MMEL1: variants seen among roughly 807,000 people sequenced by gnomAD.
The protein encoded by MMEL1 is membrane metalloendopeptidase like 1, also known as membrane metallo-endopeptidase-like 1.
MMEL1 carries 98 observed loss-of-function variants against 117.1 expected under a neutral mutation model. The ratio of observed to expected loss-of-function variants is 0.84; its 90% CI spans 0.71 to 0.99. MMEL1 has a LOEUF of 0.99. Ranked by LOEUF, MMEL1 falls within the 50% of genes least tolerant of loss-of-function variation. The pLI is 0.00. For synonymous variants in MMEL1, 390 were observed against 415.1 expected (o/e 0.94, Z 0.74); for missense variants, 1,014 against 1,049.1 (o/e 0.97, Z 0.46).
At position 2,592,946 on chromosome 1, in the gene MMEL1, C is replaced by T; in HGVS notation, c.1888G>A (p.Gly630Ser). 6.2e-7 allele frequency: 1 copy of T among 1,613,674 alleles called. No individual in the cohort carries two copies. Among genetic ancestry groups the T allele is most frequent in the Non-Finnish European group, 8.5e-7 (1 of 1,179,930 alleles). Residue 630 changes from glycine to serine, a missense_variant, in exon 20 of 24, where the codon GGC (glycine) becomes AGC (serine). By Grantham distance (56) the Gly-to-Ser change is moderately conservative (BLOSUM62 0). Transcript: ENST00000378412. ...DDNGRNFDKN[G>S]NMMDWWSNFS... Reference sequence around the variant, plus strand: ...TTACTCCACCAATCCATCATGTTGCCATTCTTGTCGAAGTTCCGGCCTGGG... The same window carrying T: ...TTACTCCACCAATCCATCATGTTGCTATTCTTGTCGAAGTTCCGGCCTGGG...
intron 7 of MMEL1, 64 bp downstream of exon 7, chr1:2,606,910 G>T (rs10797436): frequency 2.0e-6 from 3 of 1,471,716 alleles, no homozygotes; most frequent in Non-Finnish European, 2.8e-6. Flanking sequence ...GCCTCAGACC[G>T]AAGGAGCCCT....
intron 1 of MMEL1, among the ~76,000 whole-genome samples, chr1:2,630,961 G>A (rs540758156): frequency 6.3e-4 from 92 of 145,904 alleles, no homozygotes; most frequent in African/African-American, 2.0e-3. Flanking sequence ...GTGCGTGTAC[G>A]CTCGTGTGTG....
At position 2,592,856 on chromosome 1, in the gene MMEL1, A is replaced by T; in HGVS notation, c.1978T>A (p.Trp660Arg). 6.2e-7 allele frequency: 1 copy of T among 1,613,662 alleles called. No homozygotes were observed. The highest frequency in any genetic ancestry group is 1.1e-5 in the South Asian group (1 of 91,064). ...CMIYQYGNYS[W>R]DLADEQNVNG... ...ACGTTCTGTTCGTCTGCCAGGTCCCAGGAGTAGTTGCCGTACTGGTAGATC... is the reference window on the plus strand; with the variant it reads ...ACGTTCTGTTCGTCTGCCAGGTCCCTGGAGTAGTTGCCGTACTGGTAGATC... The change falls in exon 20 of 24, where the codon TGG (tryptophan) becomes AGG (arginine). Residue 660 changes from tryptophan to arginine, a missense_variant. Trp to Arg is a moderately radical substitution (Grantham distance 101). Transcript: ENST00000378412.
intron 12 of MMEL1, 78 bp from the exon 13 acceptor site, chr1:2,598,378 T>G: frequency 7.0e-7 from 1 of 1,424,582 alleles, no homozygotes; most frequent in Non-Finnish European, 9.9e-7. Context: ...TTAGGGCCCT[T>G]GGCCAGCACG....
intron 2 of MMEL1, among the ~76,000 whole-genome samples, chr1:2,619,043 C>A (rs1490299662): frequency 6.6e-6 from 1 of 152,138 alleles, no homozygotes; most frequent in Non-Finnish European, 1.5e-5. Flanking sequence ...CTTTGGCCAA[C>A]AGAATGAGGT....
chr1:2,607,618 G>A (rs1191713824), intron 6 of MMEL1, among the ~76,000 whole-genome samples: 1 of 152,156 alleles, frequency 6.6e-6, no homozygotes, highest in East Asian at 1.9e-4. Context: ...GTCACTGTGG[G>A]AATAAGTGAA....
At chr1:2,598,440 T>G in intron 12 of MMEL1, 140 bp from the exon 13 acceptor site, 1 of 1,164,710 alleles carries the variant, frequency 8.6e-7, no homozygotes, top group Admixed American at 2.4e-5. Flanking sequence ...GACAACCACC[T>G]CCAAGATCCA....
Position 2,612,068 on chromosome 1 carries a change from C to A in MMEL1, c.232+59G>T. 1.4e-6 allele frequency: 2 copies of A among 1,437,318 alleles called. No individual in the cohort carries two copies. Among genetic ancestry groups the A allele is most frequent in the Non-Finnish European group, 1.9e-6 (2 of 1,042,128 alleles). The allele number at this position is 1,437,318 out of a possible 1,614,324, so 89.0% of individuals were successfully genotyped here. On this transcript the variant is annotated intron_variant, in intron 3 of 23. Transcript: ENST00000378412. This position sits in a 1 kb window ranked among gnomAD's most constrained non-coding sequence, Gnocchi z 5.4. Reference sequence around the variant, plus strand: ...CCTGCCCCTCCACGGAGTCCCCCCACCTTGGGAGGCCAGCGCCCACCTGCC... The same window carrying A: ...CCTGCCCCTCCACGGAGTCCCCCCAACTTGGGAGGCCAGCGCCCACCTGCC...
intron 2 of MMEL1, among the ~76,000 whole-genome samples, chr1:2,625,378 C>T (rs907707061): frequency 6.6e-5 from 10 of 152,212 alleles, no homozygotes; most frequent in East Asian, 1.9e-4. Flanking sequence ...CAGTGTCGAG[C>T]GGGGTCCAGA....
At chr1:2,592,770 C>T (rs368141444) in intron 20 of MMEL1, 50 bp from the exon 21 acceptor site, 2 of 1,610,330 alleles carry the variant, frequency 1.2e-6, no homozygotes, top group Non-Finnish European at 1.7e-6. Flanking sequence ...ACTTCCCTCT[C>T]CCTCAGGGCC....
At chr1:2,629,276 G>C in intron 2 of MMEL1, 55 bp downstream of exon 2, 1 of 1,491,194 alleles carries the variant, frequency 6.7e-7, no homozygotes, top group Non-Finnish European at 8.9e-7. Context: ...GGTGCAGCGG[G>C]GCGAGCGCGG....
intron 6 of MMEL1, 101 bp downstream of exon 6, chr1:2,609,238 C>T: frequency 8.4e-7 from 1 of 1,193,304 alleles, no homozygotes; most frequent in Non-Finnish European, 1.2e-6. Flanking sequence ...CCCACTCCTA[C>T]CCTAGGGGCA....
At chr1:2,628,603 C>T (rs1056042189) in intron 2 of MMEL1, among the ~76,000 whole-genome samples, 19 of 148,854 alleles carry the variant, frequency 1.3e-4, no homozygotes, top group African/African-American at 4.4e-4. Context: ...CTGGCAGGGG[C>T]GGCTGGAAGG....
chr1:2,618,771 A>T (rs1327900690), intron 2 of MMEL1, among the ~76,000 whole-genome samples: 1 of 152,252 alleles, frequency 6.6e-6, no homozygotes, highest in Non-Finnish European at 1.5e-5. Flanking sequence ...CATAGATAAA[A>T]GCCAATTTGA....
intron 11 of MMEL1, among the ~76,000 whole-genome samples, chr1:2,599,059 A>G (rs1030524390): frequency 2.0e-5 from 3 of 152,270 alleles, no homozygotes; most frequent in African/African-American, 7.2e-5. Flanking sequence ...AAAAAGAAAT[A>G]GAAAATATGA....
Position 2,624,317 on chromosome 1 carries a change from G to C in MMEL1, c.154+5014C>G, listed in dbSNP as rs79359574. Among the ~76,000 whole-genome samples, 1,071 of 152,286 alleles carry C rather than the reference G, an allele frequency of 7.0e-3. 12 individuals carry two copies. Among genetic ancestry groups the C allele is most frequent in the African/African-American group, 0.024 (1,005 of 41,544 alleles). On this transcript the variant is annotated intron_variant, in intron 2 of 23. Transcript: ENST00000378412. ...CTGACTTCTCTAAGTGCAGGGAACAGGAGCTCATTGCTGGAGAAACGTGAG... is the reference window on the plus strand; with the variant it reads ...CTGACTTCTCTAAGTGCAGGGAACACGAGCTCATTGCTGGAGAAACGTGAG...
At position 2,595,741 on chromosome 1, in the gene MMEL1, C is replaced by G. The variant is rs150544785; in HGVS notation, c.1500+268G>C. 0.014 allele frequency among the ~76,000 whole-genome samples: 2,160 copies of G among 152,250 alleles called. 25 individuals are homozygous for G. Among genetic ancestry groups the G allele is most frequent in the Admixed American group, 0.025 (382 of 15,300 alleles). On this transcript the variant is annotated intron_variant, in intron 15 of 23. Transcript: ENST00000378412. The surrounding 1 kb of genome is among the most constrained non-coding windows in gnomAD (Gnocchi z 4.8). ...TACCCCCGCTGGCTCATGGGGGGTGCTGGGGATGTCCCAGGCCTGGTTCCT... is the reference window on the plus strand; with the variant it reads ...TACCCCCGCTGGCTCATGGGGGGTGGTGGGGATGTCCCAGGCCTGGTTCCT...
At chr1:2,608,235 C>G (rs148683401) in intron 6 of MMEL1, among the ~76,000 whole-genome samples, 1 of 152,064 alleles carries the variant, frequency 6.6e-6, no homozygotes. Context: ...CTCCACGAGA[C>G]CCCCTGGGCA....
At chr1:2,600,303 T>C (rs1017173314) in intron 11 of MMEL1, among the ~76,000 whole-genome samples, 2 of 152,140 alleles carry the variant, frequency 1.3e-5, no homozygotes, top group African/African-American at 4.8e-5. Context: ...ATACGTGCTT[T>C]TCTTTTAATG....
Sources: gnomAD v4.1 joint callset for allele counts (sites outside exome capture counted in the v4.1 genomes callset) on GRCh38, gnomAD v4.1.1 for gene constraint, Gnocchi (gnomAD v3.1) non-coding constraint, MANE v1.5 for transcripts, NCBI Gene and HGNC (gene_info 2026-07-23, HGNC 2026-07-21) for gene names.